The following MDGA1 variants were observed in gnomAD, a reference collection of about 807,000 sequenced individuals.
MDGA1 encodes MAM domain containing glycosylphosphatidylinositol anchor 1.
MDGA1 carries 54 observed loss-of-function variants against 101.5 expected under a neutral mutation model. The observed-to-expected ratio is 0.53, with a 90% CI of 0.43 to 0.67. The LOEUF (loss-of-function observed/expected upper bound fraction) is 0.67, where lower values mean the gene tolerates loss of function less well. MDGA1 is among the 30% of genes least tolerant of loss of function. MDGA1 has a pLI of 0.00. For missense variants in MDGA1, 1,083 were observed against 1,323.8 expected (o/e 0.82, Z 2.82); for synonymous variants, 533 against 558.3 (o/e 0.95, Z 0.64).
intron 1 of MDGA1, among the ~76,000 whole-genome samples, chr6:37,671,739 C>T (rs1309287524): frequency 6.6e-6 from 1 of 152,154 alleles, no homozygotes; most frequent in Non-Finnish European, 1.5e-5. Context: ...GACCCCCATC[C>T]CCCATAAGAG....
intron 14 of MDGA1, among the ~76,000 whole-genome samples, chr6:37,641,426 CCTT>C (rs1193381911): frequency 6.6e-6 from 1 of 152,200 alleles, no homozygotes; most frequent in African/African-American, 2.4e-5. Flanking sequence ...CTGATCACCT[CCTT>C]CTCCTCTAGC....
At chr6:37,659,528 C>T (rs1458190090) in intron 2 of MDGA1, among the ~76,000 whole-genome samples, 1 of 152,138 alleles carries the variant, frequency 6.6e-6, no homozygotes, top group Non-Finnish European at 1.5e-5. Context: ...CAGATCAGTT[C>T]TAGATAACTA....
At chr6:37,659,226 CG>C (rs1361566879) in intron 2 of MDGA1, among the ~76,000 whole-genome samples, 2 of 152,286 alleles carry the variant, frequency 1.3e-5, no homozygotes, top group African/African-American at 4.8e-5. Context: ...AAGCTGCTCC[CG>C]GGTTCCTGTC....
rs772366869 is a variant in MDGA1, at chr6:37,664,038, G to A, written c.136C>T (p.Arg46Cys). The A allele has an allele frequency of 3.7e-6, 6 of 1,613,642 alleles. No individual in the cohort carries two copies. In the South Asian group the frequency reaches 5.5e-5, roughly 15 times the overall value. The change falls in exon 2 of 17, where the codon CGT (arginine) becomes TGT (cysteine). Residue 46 changes from arginine (R) to cysteine (C), a missense_variant. Physicochemically the swap from Arg to Cys is radical, Grantham distance 180 (BLOSUM62 -3). Coordinates refer to ENST00000434837, the MANE Select transcript of MDGA1 (RefSeq NM_153487.4). ...CVVKEDNISERVYTIREGDTL... is the reference protein window; with the variant it reads ...CVVKEDNISECVYTIREGDTL... ...TCCCCCTCCCGGATGGTGTAGACACGCTCGCTGATATTGTCCTCTTTCACC... is the reference window on the plus strand; with the variant it reads ...TCCCCCTCCCGGATGGTGTAGACACACTCGCTGATATTGTCCTCTTTCACC...
At chr6:37,665,406 T>G (rs1337622951) in intron 1 of MDGA1, among the ~76,000 whole-genome samples, 8 of 152,186 alleles carry the variant, frequency 5.3e-5, no homozygotes, top group Non-Finnish European at 1.2e-4. Flanking sequence ...ACCGACTCTG[T>G]GGCTAAGAGA....
Position 37,650,340 on chromosome 6 carries a change from C to T in MDGA1, c.1378G>A (p.Glu460Lys), listed in dbSNP as rs1417027171. Residue 460 changes from glutamate to lysine, a missense_variant, in exon 8 of 17, where the codon GAG becomes AAG. By Grantham distance (56) the Glu-to-Lys change is moderately conservative. Coordinates refer to ENST00000434837, the MANE Select transcript of MDGA1 (RefSeq NM_153487.4). ...TTGCCCCGCACCTCGCATTGCAGCT[C>T]GGCAGGCGATCCCTCGCGCACGGTC... ...VVTVREGSPA[E>K]LQCEVRGKPR... 2.5e-6 allele frequency: 4 copies of T among 1,581,376 alleles called. No individual in the cohort carries two copies. The highest frequency in any genetic ancestry group is 1.3e-5 in the African/African-American group (1 of 74,358).
In MDGA1 at chr6:37,654,915, C is replaced by A. The variant is rs1379688496; in HGVS notation, c.597G>T (p.Leu199=). 6.2e-7 allele frequency: 1 copy of A among 1,613,534 alleles called. No individual in the cohort carries two copies. The highest frequency in any genetic ancestry group is 8.5e-7 in the Non-Finnish European group (1 of 1,179,820). ...CCTGGGGCCGCAGGTTCTTCAGCTT[C>A]AGGACCTTGGTCTCCCCCTGGGCAG... ...PLYTQGETKV[L]KLKNLRPQDY... The change falls in exon 5 of 17, where the codon CTG becomes CTT. Residue 199 remains leucine, a synonymous_variant. Transcript: ENST00000434837.
chr6:37,645,979 C>CAAAAAAGA (rs1350685592), intron 11 of MDGA1, 23 bp from the exon 12 acceptor site: 1 of 1,613,936 alleles, frequency 6.2e-7, no homozygotes, highest in East Asian at 2.2e-5. Flanking sequence ...GCGGGGAAAC[C>CAAAAAAGA]AAGTCAGAAC....
chr6:37,663,378 G>A (rs542085765), intron 2 of MDGA1, among the ~76,000 whole-genome samples: 136 of 152,318 alleles, frequency 8.9e-4, no homozygotes, highest in South Asian at 8.7e-3. Flanking sequence ...TAGAGATCAC[G>A]TTTTCTATGC....
At position 37,696,399 on chromosome 6, in the gene MDGA1, A is replaced by C. The variant is rs752987014; in HGVS notation, c.67+346T>G. 2.6e-5 allele frequency among the ~76,000 whole-genome samples: 4 copies of C among 152,076 alleles called. No individual in the cohort carries two copies. Among genetic ancestry groups the C allele is most frequent in the Non-Finnish European group, 5.9e-5 (4 of 67,998 alleles). On this transcript the variant is annotated intron_variant, in intron 1 of 16. Transcript: ENST00000434837. The surrounding 1 kb of genome is among the most constrained non-coding windows in gnomAD (Gnocchi z 5.6). ...CCACTCCGGAGGCCGAGCCAGGACGAGGTTTCGGTGCAAGTCGCTGCACCA... is the reference window on the plus strand; with the variant it reads ...CCACTCCGGAGGCCGAGCCAGGACGCGGTTTCGGTGCAAGTCGCTGCACCA...
chr6:37,686,230 T>C lies in MDGA1; in HGVS notation c.67+10515A>G, dbSNP rs373710128. Among the ~76,000 whole-genome samples, 12 of 152,290 alleles carry C rather than the reference T, an allele frequency of 7.9e-5. No individual in the cohort carries two copies. In the East Asian group the frequency reaches 2.3e-3, roughly 29 times the overall value. ...GCCGACAGGCCTGCCTTTTAAAGGT[T>C]CCTGCTGTCTTCCTTCCTGGAATGT... On this transcript the variant is annotated intron_variant, in intron 1 of 16. Coordinates refer to ENST00000434837, the MANE Select transcript of MDGA1 (RefSeq NM_153487.4).
chr6:37,647,290 G>T lies in MDGA1; in HGVS notation c.1929C>A (p.Thr643=). ...KAYSPEFYFD[T]PNPTRSHKLS... is the part of the protein sequence containing the mutation. ...GCTTGTGGCTGCGGGTGGGGTTGGG[G>T]GTGTCGAAGTAAAACTCCGGGCTGT... Residue 643 remains threonine (T), a synonymous_variant, in exon 10 of 17, where the codon ACC becomes ACA. Transcript: ENST00000434837. 6.4e-7 allele frequency: 1 copy of T among 1,554,070 alleles called. No homozygotes were observed. Among genetic ancestry groups the T allele is most frequent in the Non-Finnish European group, 8.7e-7 (1 of 1,148,542 alleles).
chr6:37,697,026 G>A lies in MDGA1; in HGVS notation c.-215C>T, dbSNP rs1762436980. On this transcript the variant is annotated 5_prime_UTR_variant, in exon 1 of 17. Transcript: ENST00000434837. ...CCGCTGCCCGCGTGGGGACGCAGGGGGCGCTGGCCCAGCCCCGGGTGCCTC... is the reference window on the plus strand; with the variant it reads ...CCGCTGCCCGCGTGGGGACGCAGGGAGCGCTGGCCCAGCCCCGGGTGCCTC... The A allele has an allele frequency of 1.3e-5, 7 of 528,440 alleles. No individual in the cohort carries two copies. The South Asian group carries it at 1.8e-4, about 14-fold the overall frequency. 32.7% of individuals were successfully genotyped at this position (528,440 alleles called of 1,614,324 possible).
In MDGA1 at chr6:37,697,046, T is replaced by G; in HGVS notation, c.-235A>C. On this transcript the variant is annotated 5_prime_UTR_variant, in exon 1 of 17. Coordinates refer to ENST00000434837, the MANE Select transcript of MDGA1 (RefSeq NM_153487.4). The stretch of plus-strand genomic sequence containing the variant: ...CAGGGGGCGCTGGCCCAGCCCCGGG[T>G]GCCTCGGCGCGCCCGGCACAGCAGC... 7.2e-6 allele frequency: 3 copies of G among 417,492 alleles called. No homozygotes were observed. Among genetic ancestry groups the G allele is most frequent in the Non-Finnish European group, 8.4e-6 (2 of 238,862 alleles). The allele number at this position is 417,492 out of a possible 1,614,324, so 25.9% of individuals were successfully genotyped here.
chr6:37,695,185 A>T (rs1023017483), intron 1 of MDGA1, among the ~76,000 whole-genome samples: 8 of 152,052 alleles, frequency 5.3e-5, no homozygotes, highest in African/African-American at 1.9e-4. Flanking sequence ...AGGGCTCTCC[A>T]TCACCCTCCC....
intron 1 of MDGA1, among the ~76,000 whole-genome samples, chr6:37,695,406 G>C (rs1762395860): frequency 6.6e-6 from 1 of 152,172 alleles, no homozygotes; most frequent in Non-Finnish European, 1.5e-5. Context: ...GCCTTTCCTG[G>C]CCTCTGTGAG....
intron 1 of MDGA1, among the ~76,000 whole-genome samples, chr6:37,689,509 T>C (rs1263650831): frequency 1.3e-5 from 2 of 152,248 alleles, no homozygotes; most frequent in Admixed American, 1.3e-4. Context: ...CTAAGCACCG[T>C]CTCATCACAA....
At chr6:37,663,127 C>T (rs1761665029) in intron 2 of MDGA1, among the ~76,000 whole-genome samples, 1 of 152,170 alleles carries the variant, frequency 6.6e-6, no homozygotes, top group African/African-American at 2.4e-5. Context: ...CTTTCTGTTG[C>T]TATTAAAGGT....
intron 12 of MDGA1, among the ~76,000 whole-genome samples, chr6:37,645,670 G>A (rs1761176373): frequency 1.3e-5 from 2 of 151,146 alleles, no homozygotes; most frequent in East Asian, 2.0e-4. Flanking sequence ...GTGTAGATGA[G>A]CCCAGCCTCT....
Sources: gnomAD v4.1 joint callset for allele counts (sites outside exome capture counted in the v4.1 genomes callset) on GRCh38, gnomAD v4.1.1 for gene constraint, Gnocchi (gnomAD v3.1) non-coding constraint, MANE v1.5 for transcripts, NCBI Gene and HGNC (gene_info 2026-07-23, HGNC 2026-07-21) for gene names.